The following MLLT3 variants were observed in gnomAD, a reference collection of about 807,000 sequenced individuals.
MLLT3 encodes MLLT3 super elongation complex subunit.
Under a neutral mutation model 53.2 loss-of-function variants are expected in MLLT3, and 4 were observed. That is an observed-to-expected ratio of 0.08 (90% confidence interval 0.04 to 0.17). MLLT3 has a LOEUF of 0.17. MLLT3 is among the 10% of genes least tolerant of loss of function. MLLT3 has a pLI of 1.00. For missense variants in MLLT3, 569 were observed against 684.0 expected (o/e 0.83, Z 1.87); for synonymous variants, 283 against 230.6 (o/e 1.23, Z -2.06).
chr9:20,438,774 T>C (rs1442212781), intron 4 of MLLT3, among the ~76,000 whole-genome samples: 5 of 152,040 alleles, frequency 3.3e-5, no homozygotes, highest in Admixed American at 2.0e-4. Context: ...TGGACTTCTG[T>C]CTATATTACC....
intron 2 of MLLT3, among the ~76,000 whole-genome samples, chr9:20,527,183 A>G (rs1563801907): frequency 6.6e-6 from 1 of 152,318 alleles, no homozygotes; most frequent in East Asian, 1.9e-4. Flanking sequence ...ATTTAAGGTT[A>G]TTGTGGACAG....
chr9:20,476,536 C>A (rs190370140), intron 2 of MLLT3, among the ~76,000 whole-genome samples: 1 of 151,920 alleles, frequency 6.6e-6, no homozygotes, highest in East Asian at 1.9e-4. Context: ...TAAGTAATGT[C>A]AACTTAATTC....
intron 2 of MLLT3, among the ~76,000 whole-genome samples, chr9:20,494,527 A>G (rs1825028937): frequency 6.6e-6 from 1 of 152,174 alleles, no homozygotes; most frequent in Admixed American, 6.5e-5. Context: ...TACTGCAATG[A>G]TATTTCCCAA....
At chr9:20,611,700 T>C (rs1016931070) in intron 2 of MLLT3, among the ~76,000 whole-genome samples, 3 of 152,148 alleles carry the variant, frequency 2.0e-5, no homozygotes, top group African/African-American at 7.2e-5. Flanking sequence ...AATTGTTAAC[T>C]GCTACATACC....
At chr9:20,422,780 G>A (rs1823044195) in intron 4 of MLLT3, among the ~76,000 whole-genome samples, 1 of 152,110 alleles carries the variant, frequency 6.6e-6, no homozygotes, top group African/African-American at 2.4e-5. Context: ...ACTTTAAAGA[G>A]GAGATCAATA....
At chr9:20,614,881 G>C (rs1820785759) in intron 2 of MLLT3, among the ~76,000 whole-genome samples, 1 of 135,402 alleles carries the variant, frequency 7.4e-6, no homozygotes, top group South Asian at 2.4e-4. Flanking sequence ...CCATGAGAAA[G>C]AAACTTCAAA....
chr9:20,622,339 G>T lies in MLLT3; in HGVS notation c.-83C>A. The T allele has an allele frequency of 7.6e-7, 1 of 1,317,532 alleles. No homozygotes were observed. Among genetic ancestry groups the T allele is most frequent in the Non-Finnish European group, 1.0e-6 (1 of 973,102 alleles). The allele number at this position is 1,317,532 out of a possible 1,614,324, so 81.6% of individuals were successfully genotyped here. On this transcript the variant is annotated 5_prime_UTR_variant, in exon 1 of 11. Transcript: ENST00000380338. ...CCCCTCAGCTGTAATTCATGAAGAGGCTGCTATGAATGAGAGCGCGCCCAG... is the reference window on the plus strand; with the variant it reads ...CCCCTCAGCTGTAATTCATGAAGAGTCTGCTATGAATGAGAGCGCGCCCAG...
At chr9:20,556,442 T>C (rs1017842440) in intron 2 of MLLT3, among the ~76,000 whole-genome samples, 2 of 152,066 alleles carry the variant, frequency 1.3e-5, no homozygotes, top group African/African-American at 4.8e-5. Context: ...CTCGGCACTT[T>C]GAGAGGCCGA....
intron 8 of MLLT3, among the ~76,000 whole-genome samples, chr9:20,355,229 C>G (rs1821142754): frequency 6.6e-6 from 1 of 152,052 alleles, no homozygotes; most frequent in Non-Finnish European, 1.5e-5. Context: ...TTATAGTTCC[C>G]TCTGGCAAGA....
chr9:20,527,809 G>A (rs1041615742), intron 2 of MLLT3, among the ~76,000 whole-genome samples: 6 of 152,146 alleles, frequency 3.9e-5, no homozygotes, highest in African/African-American at 1.4e-4. Flanking sequence ...TCAAACAACA[G>A]GCTTGCTGAA....
At chr9:20,434,951 A>G (rs2118823362) in intron 4 of MLLT3, among the ~76,000 whole-genome samples, 1 of 152,334 alleles carries the variant, frequency 6.6e-6, no homozygotes, top group South Asian at 2.1e-4. Context: ...TTGTAGAAAC[A>G]AGACAATTTT....
chr9:20,596,969 CAAT>C (rs974025039), intron 2 of MLLT3, among the ~76,000 whole-genome samples: 4 of 152,204 alleles, frequency 2.6e-5, no homozygotes, highest in South Asian at 2.1e-4. Flanking sequence ...TTTCTTTCAA[CAAT>C]GTTTTGTAGT....
At chr9:20,538,251 T>C (rs754875260) in intron 2 of MLLT3, among the ~76,000 whole-genome samples, 2 of 152,228 alleles carry the variant, frequency 1.3e-5, no homozygotes, top group Non-Finnish European at 2.9e-5. Context: ...CTGTGTTTAA[T>C]CCAATTAACT....
chr9:20,360,352 T>C (rs1221448135), intron 8 of MLLT3, among the ~76,000 whole-genome samples: 3 of 152,184 alleles, frequency 2.0e-5, no homozygotes, highest in Admixed American at 6.5e-5. Flanking sequence ...AAAAGTTAAT[T>C]TCCCACCAGT....
chr9:20,579,314 G>A (rs1291978005), intron 2 of MLLT3, among the ~76,000 whole-genome samples: 1 of 152,096 alleles, frequency 6.6e-6, no homozygotes, highest in Non-Finnish European at 1.5e-5. Context: ...AGGCTGCAAT[G>A]AGCTTTGAGT....
At chr9:20,365,592 C>A (rs1821429538) in intron 6 of MLLT3, 77 bp downstream of exon 6, 1 of 1,516,380 alleles carries the variant, frequency 6.6e-7, no homozygotes. Flanking sequence ...TCTTGATCCA[C>A]CCGTGTCAGC....
At chr9:20,466,935 G>A (rs1468859054) in intron 2 of MLLT3, among the ~76,000 whole-genome samples, 3 of 152,054 alleles carry the variant, frequency 2.0e-5, no homozygotes, top group Admixed American at 2.0e-4. Context: ...CTGTCAAAAG[G>A]AAGAAGAAAA....
intron 4 of MLLT3, among the ~76,000 whole-genome samples, chr9:20,426,293 C>A (rs1266615020): frequency 6.6e-6 from 1 of 152,048 alleles, no homozygotes; most frequent in East Asian, 1.9e-4. Flanking sequence ...TAGCTTTGTA[C>A]AGTTCCTGCT....
chr9:20,536,972 G>A (rs1818505706), intron 2 of MLLT3, among the ~76,000 whole-genome samples: 1 of 152,104 alleles, frequency 6.6e-6, no homozygotes. Flanking sequence ...ACAACCGTCT[G>A]GTTCTTCATT....
Sources: gnomAD v4.1 joint callset for allele counts (sites outside exome capture counted in the v4.1 genomes callset) on GRCh38, gnomAD v4.1.1 for gene constraint, MANE v1.5 for transcripts, NCBI Gene and HGNC (gene_info 2026-07-23, HGNC 2026-07-21) for gene names.